The following RORB variants were observed in gnomAD, a reference collection of about 807,000 sequenced individuals.
The protein encoded by RORB is nuclear receptor ROR-beta.
In RORB, 6 loss-of-function variants were observed where a neutral mutation model predicts 59.1. The observed-to-expected ratio is 0.10, with a 90% confidence interval of 0.06 to 0.20. The LOEUF is 0.20. RORB is among the 10% of genes least tolerant of loss of function. The probability of loss-of-function intolerance (pLI) is 1.00; values close to 1 mark genes in which losing one functional copy is unlikely to be tolerated. For synonymous variants in RORB, 215 were observed against 204.5 expected (o/e 1.05, Z -0.44); for missense variants, 320 against 560.5 (o/e 0.57, Z 4.33).
chr9:74,550,027 G>A (rs925649355), intron 1 of RORB, among the ~76,000 whole-genome samples: 3 of 152,130 alleles, frequency 2.0e-5, no homozygotes, highest in Non-Finnish European at 4.4e-5. Context: ...GCGCCCGGCC[G>A]ATTATGTGTA....
At chr9:74,561,652 C>T (rs1439063409) in intron 1 of RORB, among the ~76,000 whole-genome samples, 1 of 152,158 alleles carries the variant, frequency 6.6e-6, no homozygotes, top group Non-Finnish European at 1.5e-5. Flanking sequence ...AGTTCACACA[C>T]AGCCTTTACC....
rs2118433594 is a variant in RORB, at chr9:74,634,780, A to T, written c.235+8A>T. 1.9e-6 allele frequency: 3 copies of T among 1,608,376 alleles called. No homozygotes were observed. In the East Asian group the frequency reaches 6.7e-5, roughly 36 times the overall value. ...TAGGAATGTCAAGAGATGGTAAGAC[A>T]TTACCTTCCTGTTTCTTACTTAAGC... On this transcript the variant is annotated splice_region_variant and intron_variant, in intron 3 of 9. Transcript: ENST00000376896.
chr9:74,616,461 GA>G (rs1403974922), intron 1 of RORB, among the ~76,000 whole-genome samples: 1 of 151,792 alleles, frequency 6.6e-6, no homozygotes, highest in African/African-American at 2.4e-5. Flanking sequence ...GTATTTGTAG[GA>G]AAAAAAGTAG....
At chr9:74,610,150 T>C (rs766484924) in intron 1 of RORB, among the ~76,000 whole-genome samples, 1 of 152,240 alleles carries the variant, frequency 6.6e-6, no homozygotes, top group Non-Finnish European at 1.5e-5. Flanking sequence ...ATATTGATTA[T>C]AATACATTGC....
intron 9 of RORB, among the ~76,000 whole-genome samples, chr9:74,676,822 C>T (rs1270876694): frequency 6.6e-6 from 1 of 152,242 alleles, no homozygotes; most frequent in African/African-American, 2.4e-5. Context: ...ATGTCCTAAC[C>T]ACACACCTGC....
At chr9:74,569,370 A>T (rs1174649192) in intron 1 of RORB, among the ~76,000 whole-genome samples, 1 of 152,108 alleles carries the variant, frequency 6.6e-6, no homozygotes, top group East Asian at 1.9e-4. Context: ...ATTAAAGTAT[A>T]TAGTGTATAG....
intron 8 of RORB, 30 bp downstream of exon 8, chr9:74,667,931 T>TA (rs767776993): frequency 1.4e-6 from 2 of 1,413,344 alleles, no homozygotes; most frequent in East Asian, 2.3e-5. Context: ...CTTACCTTTT[T>TA]AAAAAACTTG....
intron 1 of RORB, among the ~76,000 whole-genome samples, chr9:74,568,218 A>G (rs1450057067): frequency 6.6e-6 from 1 of 152,196 alleles, no homozygotes; most frequent in Non-Finnish European, 1.5e-5. Flanking sequence ...ATTCAGGTGA[A>G]AAGTATTTTG....
At chr9:74,545,386 T>A (rs1349108657) in intron 1 of RORB, among the ~76,000 whole-genome samples, 3 of 152,198 alleles carry the variant, frequency 2.0e-5, no homozygotes, top group African/African-American at 4.8e-5. Context: ...CACAAACAAC[T>A]GGCCCACAGG....
intron 1 of RORB, among the ~76,000 whole-genome samples, chr9:74,605,149 A>T (rs1823129220): frequency 6.6e-6 from 1 of 152,240 alleles, no homozygotes; most frequent in Non-Finnish European, 1.5e-5. Context: ...CCGAAATAAC[A>T]TTCAACATTA....
At chr9:74,609,443 C>CA (rs1554669856) in intron 1 of RORB, among the ~76,000 whole-genome samples, 1 of 151,916 alleles carries the variant, frequency 6.6e-6, no homozygotes, top group East Asian at 1.9e-4. Flanking sequence ...CACAAAATTT[C>CA]TTTTTTTTCT....
chr9:74,562,263 G>A lies in RORB; in HGVS notation c.7+64280G>A, dbSNP rs534896992. On this transcript the variant is annotated intron_variant, in intron 1 of 9. Coordinates refer to ENST00000376896, the MANE Select transcript of RORB (RefSeq NM_006914.4). Reference sequence around the variant, plus strand: ...ATGTAACTCCGTATCTAACCTATAAGGATATGCTCAAATATTATTCTTGGT... The same window carrying A: ...ATGTAACTCCGTATCTAACCTATAAAGATATGCTCAAATATTATTCTTGGT... Among the ~76,000 whole-genome samples the A allele has an allele frequency of 6.2e-4, 95 of 152,154 alleles. 1 individual carries two copies. The highest frequency in any genetic ancestry group is 2.2e-3 in the African/African-American group (91 of 41,506).
chr9:74,571,059 G>A (rs1822543291), intron 1 of RORB, among the ~76,000 whole-genome samples: 1 of 151,816 alleles, frequency 6.6e-6, no homozygotes, highest in African/African-American at 2.4e-5. Flanking sequence ...AACCTATGGA[G>A]AAATGTGTGC....
intron 1 of RORB, among the ~76,000 whole-genome samples, chr9:74,585,979 A>G (rs191682387): frequency 2.0e-5 from 3 of 151,726 alleles, no homozygotes; most frequent in Non-Finnish European, 4.4e-5. Flanking sequence ...TGTTTTTAGT[A>G]GAGACAGGGT....
intron 7 of RORB, among the ~76,000 whole-genome samples, chr9:74,666,223 G>A (rs763462918): frequency 6.6e-6 from 1 of 152,196 alleles, no homozygotes; most frequent in East Asian, 1.9e-4. Flanking sequence ...GGAGGTGGAG[G>A]TTGCAGTGAG....
chr9:74,500,664 G>T (rs1825793603), intron 1 of RORB, among the ~76,000 whole-genome samples: 1 of 152,144 alleles, frequency 6.6e-6, no homozygotes, highest in Non-Finnish European at 1.5e-5. Context: ...CTGGGATTCA[G>T]TGGTCTCCCT....
chr9:74,655,862 A>G (rs898879682), intron 4 of RORB, among the ~76,000 whole-genome samples: 16 of 152,296 alleles, frequency 1.1e-4, no homozygotes, highest in East Asian at 3.9e-4. Context: ...GAGAGGGTCA[A>G]GTCGGTTTTT....
chr9:74,508,054 T>G (rs1206869315), intron 1 of RORB, among the ~76,000 whole-genome samples: 2 of 152,176 alleles, frequency 1.3e-5, no homozygotes, highest in African/African-American at 2.4e-5. Context: ...AAAATTAAAT[T>G]TAAAACAAAC....
chr9:74,507,587 G>A (rs1439837563), intron 1 of RORB, among the ~76,000 whole-genome samples: 1 of 152,006 alleles, frequency 6.6e-6, no homozygotes, highest in Non-Finnish European at 1.5e-5. Flanking sequence ...TTAGCATATA[G>A]CTTGAACCAG....
Sources: gnomAD v4.1 joint callset for allele counts (sites outside exome capture counted in the v4.1 genomes callset) on GRCh38, gnomAD v4.1.1 for gene constraint, MANE v1.5 for transcripts, NCBI Gene and HGNC (gene_info 2026-07-23, HGNC 2026-07-21) for gene names.